The following EPHB1 variants were observed in gnomAD, a reference collection of about 807,000 sequenced individuals.
The protein encoded by EPHB1 is ephrin type-B receptor 1.
Under a neutral mutation model 94.4 loss-of-function variants are expected in EPHB1, and 30 were observed. The observed-to-expected ratio is 0.32, with a 90% CI of 0.24 to 0.43. EPHB1 has a LOEUF of 0.43. EPHB1 is among the 20% of genes least tolerant of loss of function. The pLI, the probability that EPHB1 is intolerant of heterozygous loss-of-function variation, is 1.00. For missense variants in EPHB1, 1,055 were observed against 1,308.3 expected, an observed-to-expected ratio of 0.81 and a Z score of 2.99; for synonymous variants, 522 against 489.1, an observed-to-expected ratio of 1.07 and a Z score of -0.89.
chr3:135,211,556 A>G (rs1243896587), intron 12 of EPHB1, among the ~76,000 whole-genome samples: 3 of 152,170 alleles, frequency 2.0e-5, no homozygotes, highest in Non-Finnish European at 4.4e-5. Context: ...TATTTTTGCT[A>G]GATATACACT....
intron 1 of EPHB1, among the ~76,000 whole-genome samples, chr3:134,853,673 G>A (rs555513458): frequency 1.5e-3 from 231 of 152,310 alleles, no homozygotes; most frequent in African/African-American, 5.4e-3. Flanking sequence ...AAGATGGAAG[G>A]TGGTAGCCAC....
At chr3:135,105,164 C>T (rs1207015070) in intron 3 of EPHB1, among the ~76,000 whole-genome samples, 1 of 152,194 alleles carries the variant, frequency 6.6e-6, no homozygotes, top group Non-Finnish European at 1.5e-5. Flanking sequence ...GGGAACAATA[C>T]ATTTGAGATT....
intron 2 of EPHB1, among the ~76,000 whole-genome samples, chr3:134,942,765 A>G (rs1343363312): frequency 6.6e-6 from 1 of 152,252 alleles, no homozygotes; most frequent in Non-Finnish European, 1.5e-5. Flanking sequence ...GTTACTGAAT[A>G]AAATGGTGTT....
At chr3:134,958,417 T>A (rs1562507) in intron 3 of EPHB1, among the ~76,000 whole-genome samples, 2,683 of 50,562 alleles carry the variant, frequency 0.053, 39 homozygotes, top group Middle Eastern at 0.14. Flanking sequence ...CAAGGGAGTG[T>A]GTGTGTGTGT....
chr3:134,963,646 G>A (rs967744450), intron 3 of EPHB1, among the ~76,000 whole-genome samples: 5 of 151,962 alleles, frequency 3.3e-5, no homozygotes, highest in African/African-American at 1.2e-4. Flanking sequence ...TGAAGATACC[G>A]AGGCACCGAG....
At chr3:135,190,857 C>T (rs899050952) in intron 10 of EPHB1, among the ~76,000 whole-genome samples, 3 of 152,124 alleles carry the variant, frequency 2.0e-5, no homozygotes, top group Non-Finnish European at 4.4e-5. Context: ...TGCCAAGCAC[C>T]ACAGTGGAGT....
intron 1 of EPHB1, among the ~76,000 whole-genome samples, chr3:134,877,724 G>A (rs993463650): frequency 2.0e-5 from 3 of 152,228 alleles, no homozygotes; most frequent in Non-Finnish European, 4.4e-5. Context: ...GGAAAGAAGA[G>A]GGTGTTTCTG....
chr3:135,105,049 T>C (rs1050115507), intron 3 of EPHB1, among the ~76,000 whole-genome samples: 1 of 152,196 alleles, frequency 6.6e-6, no homozygotes, highest in African/African-American at 2.4e-5. Context: ...AAAATGGAGA[T>C]AGTAATAGCT....
chr3:134,960,603 G>T (rs958368701), intron 3 of EPHB1, among the ~76,000 whole-genome samples: 1 of 152,168 alleles, frequency 6.6e-6, no homozygotes, highest in African/African-American at 2.4e-5. Context: ...TGCAGGATGA[G>T]TCTGTGAAGC....
At chr3:135,180,324 G>A (rs1942120147) in intron 10 of EPHB1, among the ~76,000 whole-genome samples, 2 of 152,212 alleles carry the variant, frequency 1.3e-5, no homozygotes, top group Admixed American at 1.3e-4. Context: ...TACATTTGTA[G>A]TATTCCACTT....
At chr3:135,200,709 C>T (rs1009538400) in intron 11 of EPHB1, among the ~76,000 whole-genome samples, 2 of 152,156 alleles carry the variant, frequency 1.3e-5, no homozygotes, top group African/African-American at 2.4e-5. Context: ...AAGACACACA[C>T]ACACACGATT....
chr3:134,926,901 A>G (rs1031251421), intron 2 of EPHB1, among the ~76,000 whole-genome samples: 1 of 152,228 alleles, frequency 6.6e-6, no homozygotes, highest in Non-Finnish European at 1.5e-5. Context: ...AGAGAAGTTA[A>G]GGAGGACAAA....
intron 3 of EPHB1, among the ~76,000 whole-genome samples, chr3:135,005,502 G>T (rs949219384): frequency 6.6e-5 from 10 of 152,190 alleles, no homozygotes; most frequent in African/African-American, 2.2e-4. Flanking sequence ...AGAGCTTCCT[G>T]GCTGCTTTGT....
intron 1 of EPHB1, among the ~76,000 whole-genome samples, chr3:134,815,186 G>C (rs2036246213): frequency 6.6e-6 from 1 of 152,198 alleles, no homozygotes; most frequent in African/African-American, 2.4e-5. Context: ...AATTCAGGGA[G>C]TGGGTCTCCT....
intron 1 of EPHB1, among the ~76,000 whole-genome samples, chr3:134,923,692 A>G (rs528455123): frequency 1.3e-5 from 2 of 152,214 alleles, no homozygotes; most frequent in Admixed American, 1.3e-4. Flanking sequence ...CCCATTTATC[A>G]CTTCTGTTTT....
intron 5 of EPHB1, among the ~76,000 whole-genome samples, chr3:135,144,659 C>G (rs1425236872): frequency 6.6e-6 from 1 of 152,176 alleles, no homozygotes; most frequent in South Asian, 2.1e-4. Context: ...TGTCACCCCC[C>G]ACATTCCCCT....
chr3:135,251,761 C>T (rs1018725257), intron 15 of EPHB1, among the ~76,000 whole-genome samples: 50 of 152,316 alleles, frequency 3.3e-4, no homozygotes, highest in African/African-American at 1.1e-3. Context: ...TGTGGGAGAG[C>T]CAAGGCATTG....
At chr3:135,067,063 TG>T (rs1430100937) in intron 3 of EPHB1, among the ~76,000 whole-genome samples, 6 of 152,140 alleles carry the variant, frequency 3.9e-5, no homozygotes, top group African/African-American at 1.4e-4. Context: ...CTCTCAGCCG[TG>T]GATACCAGCA....
intron 3 of EPHB1, among the ~76,000 whole-genome samples, chr3:134,989,025 G>C (rs1221742800): frequency 1.3e-5 from 2 of 152,154 alleles, no homozygotes; most frequent in Non-Finnish European, 2.9e-5. Flanking sequence ...GAGCTCTGCT[G>C]TCTATCATGC....
Sources: gnomAD v4.1 joint callset for allele counts (sites outside exome capture counted in the v4.1 genomes callset) on GRCh38, gnomAD v4.1.1 for gene constraint, MANE v1.5 for transcripts, NCBI Gene and HGNC (gene_info 2026-07-23, HGNC 2026-07-21) for gene names.